CREG2: variants seen among roughly 807,000 people sequenced by gnomAD.
CREG2 encodes the protein cellular repressor of E1A stimulated genes 2.
A neutral mutation model predicts 26.2 loss-of-function variants in CREG2; 24 were observed. That is an observed-to-expected ratio of 0.92 (90% CI 0.66 to 1.29). CREG2 has a LOEUF of 1.29. CREG2 is among the 50% of genes most tolerant of loss of function. The pLI, the probability that CREG2 is intolerant of heterozygous loss-of-function variation, is 0.00. For missense variants in CREG2, 366 were observed against 398.6 expected (o/e 0.92, Z 0.70); for synonymous variants, 174 against 169.2 (o/e 1.03, Z -0.22).
At chr2:101,358,196 T>C (rs1415911456) in intron 2 of CREG2, among the ~76,000 whole-genome samples, 3 of 152,130 alleles carry the variant, frequency 2.0e-5, no homozygotes, top group African/African-American at 7.2e-5. Flanking sequence ...TTCACCATGT[T>C]GGCCAGGCTG....
At position 101,386,997 on chromosome 2, in the gene CREG2, G is replaced by T; in HGVS notation, c.441+20C>A. 2.4e-6 allele frequency: 3 copies of T among 1,232,020 alleles called. No homozygotes were observed. The highest frequency in any genetic ancestry group is 3.0e-6 in the Non-Finnish European group (3 of 988,550). The allele number at this position is 1,232,020 out of a possible 1,614,324, so 76.3% of individuals were successfully genotyped here. On this transcript the variant is annotated intron_variant, in intron 1 of 3. Transcript: ENST00000324768. Reference sequence around the variant, plus strand: ...CCGCCTGAATGCCAGGCCCCCTCGCGCTCCCCGCCGGGCGCTCACCTTCTT... The same window carrying T: ...CCGCCTGAATGCCAGGCCCCCTCGCTCTCCCCGCCGGGCGCTCACCTTCTT...
chr2:101,372,651 A>G (rs918742004), intron 2 of CREG2, among the ~76,000 whole-genome samples: 12 of 152,238 alleles, frequency 7.9e-5, no homozygotes, highest in African/African-American at 2.9e-4. Context: ...TGGAATGTCA[A>G]TATTGAATCC....
At chr2:101,371,570 G>A (rs538739555) in intron 2 of CREG2, among the ~76,000 whole-genome samples, 2 of 152,190 alleles carry the variant, frequency 1.3e-5, no homozygotes, top group Non-Finnish European at 2.9e-5. Flanking sequence ...TAGTCTGAAC[G>A]ATGAAAGGCA....
At chr2:101,351,428 G>A (rs574591553) in intron 3 of CREG2, among the ~76,000 whole-genome samples, 1 of 152,350 alleles carries the variant, frequency 6.6e-6, no homozygotes, top group East Asian at 1.9e-4. Context: ...GCTGTGTGGG[G>A]AAGCAGGCAA....
At chr2:101,368,005 G>A (rs1224798022) in intron 2 of CREG2, among the ~76,000 whole-genome samples, 1 of 152,176 alleles carries the variant, frequency 6.6e-6, no homozygotes, top group African/African-American at 2.4e-5. Context: ...GAATGCATCT[G>A]TGGCCGGGCA....
chr2:101,350,702 T>C lies in CREG2; in HGVS notation c.*221A>G, dbSNP rs370963578. 1.9e-6 allele frequency: 1 copy of C among 529,248 alleles called. No individual in the cohort carries two copies. The allele number at this position is 529,248 out of a possible 1,614,324, so 32.8% of individuals were successfully genotyped here. On this transcript the variant is annotated 3_prime_UTR_variant, in exon 4 of 4. Coordinates refer to ENST00000324768, the MANE Select transcript of CREG2 (RefSeq NM_153836.4). ...GGATTGAATACAATGGAATAAAGAC[T>C]ATCTACGTGAAGTATCTGTGTGAGT...
intron 2 of CREG2, among the ~76,000 whole-genome samples, chr2:101,363,444 A>G (rs1487615143): frequency 1.3e-5 from 2 of 152,174 alleles, no homozygotes; most frequent in Middle Eastern, 3.2e-3. Flanking sequence ...ATGGGCTACA[A>G]TTTTGTAAGA....
intron 2 of CREG2, among the ~76,000 whole-genome samples, chr2:101,378,151 C>A (rs1419914023): frequency 6.6e-6 from 1 of 152,194 alleles, no homozygotes; most frequent in Admixed American, 6.5e-5. Context: ...CTGGGAACCA[C>A]CATTCTGTTG....
In CREG2 at chr2:101,383,626, A is replaced by T; in HGVS notation, c.518T>A (p.Phe173Tyr). 1 of 1,614,142 alleles carries T rather than the reference A, an allele frequency of 6.2e-7. No homozygotes were observed. Among genetic ancestry groups the T allele is most frequent in the African/African-American group, 1.3e-5 (1 of 75,028 alleles). Residue 173 changes from phenylalanine to tyrosine, a missense_variant, in exon 2 of 4, where the codon TTC (phenylalanine) becomes TAC (tyrosine). Physicochemically the swap from Phe to Tyr is conservative, Grantham distance 22. Around this residue, in one of 3 missense-constraint regions of CREG2, gnomAD observed 174 missense variants for 178.2 expected, o/e 0.98. Transcript: ENST00000324768. ...PFNNSTGIPF[F>Y]YMTAKDPVVA... ...CACGGGGTCCTTGGCTGTCATGTAG[A>T]AGAAAGGAATCCCAGTGCTATTGTT...
intron 2 of CREG2, among the ~76,000 whole-genome samples, chr2:101,358,247 C>A (rs1313121243): frequency 6.6e-6 from 1 of 152,126 alleles, no homozygotes; most frequent in Non-Finnish European, 1.5e-5. Flanking sequence ...CTGCCTTGGC[C>A]TCCCAAAGTG....
intron 2 of CREG2, among the ~76,000 whole-genome samples, chr2:101,375,122 C>T (rs570732111): frequency 6.6e-6 from 1 of 152,310 alleles, no homozygotes; most frequent in South Asian, 2.1e-4. Flanking sequence ...ATCCCAGTTT[C>T]TCTGGTGTGA....
chr2:101,357,013 C>T (rs1267466638), intron 2 of CREG2, among the ~76,000 whole-genome samples: 1 of 152,134 alleles, frequency 6.6e-6, no homozygotes, highest in Non-Finnish European at 1.5e-5. Flanking sequence ...CCCCAATCTC[C>T]TGAGTAGTGG....
chr2:101,353,814 G>T (rs1684415651), intron 3 of CREG2, among the ~76,000 whole-genome samples: 1 of 152,152 alleles, frequency 6.6e-6, no homozygotes, highest in Non-Finnish European at 1.5e-5. Context: ...GTCCTTTGCA[G>T]GGACATGGAT....
At chr2:101,378,526 T>C (rs559690267) in intron 2 of CREG2, among the ~76,000 whole-genome samples, 62 of 152,330 alleles carry the variant, frequency 4.1e-4, no homozygotes, top group Non-Finnish European at 7.9e-4. Context: ...ACAGTCTATG[T>C]AGAAATCTAT....
chr2:101,382,721 GT>G, intron 2 of CREG2: 2 of 985,360 alleles, frequency 2.0e-6, no homozygotes, highest in Non-Finnish European at 2.4e-6. Context: ...TATGTTTTCC[GT>G]GCTGTGCATA....
At chr2:101,359,367 T>G (rs1684508279) in intron 2 of CREG2, among the ~76,000 whole-genome samples, 1 of 152,178 alleles carries the variant, frequency 6.6e-6, no homozygotes, top group Non-Finnish European at 1.5e-5. Flanking sequence ...CATGCTCACT[T>G]GAGATGTTCT....
At chr2:101,373,809 T>C (rs1684748755) in intron 2 of CREG2, among the ~76,000 whole-genome samples, 1 of 152,216 alleles carries the variant, frequency 6.6e-6, no homozygotes. Flanking sequence ...ACTTGAACAC[T>C]GGCTCATCAA....
intron 2 of CREG2, among the ~76,000 whole-genome samples, chr2:101,358,752 G>GCAAGTTTTAGAGCAGGAGTGAGAGT (rs1573304044): frequency 5.5e-5 from 6 of 108,416 alleles, no homozygotes; most frequent in African/African-American, 1.1e-4. Flanking sequence ...GAGAACTGAG[G>GCAAGTTTTAGAGCAGGAGTGAGAGT]TGGCCGGGCG....
At chr2:101,357,396 A>G (rs1360817523) in intron 2 of CREG2, among the ~76,000 whole-genome samples, 1 of 152,198 alleles carries the variant, frequency 6.6e-6, no homozygotes, top group Non-Finnish European at 1.5e-5. Flanking sequence ...AGAAGCATAA[A>G]CAAGAGAATC....
Sources: allele counts gnomAD v4.1 joint callset (sites outside exome capture counted in the v4.1 genomes callset), GRCh38; gene constraint gnomAD v4.1.1; regional missense constraint gnomAD v4.1.1; transcripts MANE v1.5; gene names NCBI Gene and HGNC (gene_info 2026-07-23, HGNC 2026-07-21).